The following BRIP1 variants were observed in gnomAD, a reference collection of about 807,000 sequenced individuals.
The protein encoded by BRIP1 is BRCA1 interacting DNA helicase 1, also known as Fanconi anemia group J protein.
Under a neutral mutation model 119.7 loss-of-function variants are expected in BRIP1, and 88 were observed. That is an observed-to-expected ratio of 0.74 (90% CI 0.62 to 0.88). The LOEUF (loss-of-function observed/expected upper bound fraction) is 0.88. Among genes scored for constraint, BRIP1 ranks in the 40% least tolerant of loss-of-function variants. The pLI is 0.00. For synonymous variants in BRIP1, 443 were observed against 496.5 expected, an observed-to-expected ratio of 0.89 and a Z score of 1.43; for missense variants, 1,259 against 1,455.4, an observed-to-expected ratio of 0.87 and a Z score of 2.20.
At chr17:61,766,322 A>T (rs2077373228) in intron 14 of BRIP1, among the ~76,000 whole-genome samples, 1 of 152,196 alleles carries the variant, frequency 6.6e-6, no homozygotes, top group Non-Finnish European at 1.5e-5. Context: ...AATAACCAAG[A>T]GCAGAAGTTC....
rs188098833 is a variant in BRIP1, at chr17:61,835,264, A to G, written c.627+11837T>C. On this transcript the variant is annotated intron_variant, in intron 6 of 19. Transcript: ENST00000259008. ...ACCTGATGTATTTAAATGAACTGAT[A>G]GATTTTACTTTCTAACAGAGAGTTT... Among the ~76,000 whole-genome samples, 129 of 152,354 alleles carry G rather than the reference A, an allele frequency of 8.5e-4. 1 individual carries two copies. Among genetic ancestry groups the G allele is most frequent in the African/African-American group, 3.0e-3 (124 of 41,590 alleles).
At chr17:61,850,232 A>C (rs112094513) in intron 4 of BRIP1, among the ~76,000 whole-genome samples, 9,919 of 151,498 alleles carry the variant, frequency 0.065, 569 homozygotes, top group South Asian at 0.3. Flanking sequence ...CCTCCTGAGT[A>C]GCTGGGATTA....
rs2077893586 is a variant in BRIP1 at position 61,796,018 on chromosome 17, A to C, written c.1341-2289T>G. 6.6e-6 allele frequency among the ~76,000 whole-genome samples: 1 copy of C among 152,018 alleles called. No homozygotes were observed. On this transcript the variant is annotated intron_variant, in intron 9 of 19. Coordinates refer to ENST00000259008, the MANE Select transcript of BRIP1 (RefSeq NM_032043.3). This position sits in a 1 kb window ranked among gnomAD's most constrained non-coding sequence, Gnocchi z 4.8. The stretch of plus-strand genomic sequence containing the variant: ...GAAATGCTGATCAATGATGTTGAGC[A>C]CTTTTCATATGTCTGATTGCCATTT...
rs191084803 is a variant in BRIP1 at position 61,851,099 on chromosome 17, A to C, written c.380-1843T>G. ...AAAAATTAGCTGGGCATGGTGGTGCATGCCTGTAATCCCAGCTACTTGGGA... is the reference window on the plus strand; with the variant it reads ...AAAAATTAGCTGGGCATGGTGGTGCCTGCCTGTAATCCCAGCTACTTGGGA... On this transcript the variant is annotated intron_variant, in intron 4 of 19. Coordinates refer to ENST00000259008, the MANE Select transcript of BRIP1 (RefSeq NM_032043.3). This position sits in a 1 kb window ranked among gnomAD's most constrained non-coding sequence, Gnocchi z 4.6. Among the ~76,000 whole-genome samples, 556 of 151,744 alleles carry C rather than the reference A, an allele frequency of 3.7e-3. 2 individuals are homozygous for C. The highest frequency in any genetic ancestry group is 0.012 in the African/African-American group (504 of 41,354).
rs560461407 is a variant in BRIP1, at chr17:61,807,153, A to G, written c.918+1314T>C. Among the ~76,000 whole-genome samples, 1 of 152,362 alleles carries G rather than the reference A, an allele frequency of 6.6e-6. No homozygotes were observed. Among genetic ancestry groups the G allele is most frequent in the East Asian group, 1.9e-4 (1 of 5,192 alleles). On this transcript the variant is annotated intron_variant, in intron 7 of 19. Coordinates refer to ENST00000259008, the MANE Select transcript of BRIP1 (RefSeq NM_032043.3). This position sits in a 1 kb window ranked among gnomAD's most constrained non-coding sequence, Gnocchi z 4.5. ...GAATTCAGCAGATCACTTAGTCACT[A>G]TGGAAAGCAGTCTACTTATGCATGA...
intron 10 of BRIP1, among the ~76,000 whole-genome samples, chr17:61,792,621 A>G (rs1468754440): frequency 6.6e-6 from 1 of 152,160 alleles, no homozygotes; most frequent in Non-Finnish European, 1.5e-5. Context: ...AGGCAAAACA[A>G]TGGAGTTAGT....
rs786204230 is a variant in BRIP1, at chr17:61,683,808, C to T, written c.3238G>A (p.Asp1080Asn). 1.2e-6 allele frequency: 2 copies of T among 1,614,134 alleles called. No individual in the cohort carries two copies. Among genetic ancestry groups the T allele is most frequent in the Non-Finnish European group, 1.7e-6 (2 of 1,180,030 alleles). The change falls in exon 20 of 20, where the codon GAT (aspartate) becomes AAT (asparagine). Residue 1080 changes from aspartate to asparagine, a missense_variant. Transcript: ENST00000259008. This position sits in a 1 kb window ranked among gnomAD's most constrained non-coding sequence, Gnocchi z 4.7. The part of the protein sequence containing the change: ...SETIISSLKI[D>N]ATLTRKNHSE... The stretch of plus-strand genomic sequence containing the variant: ...TGATTTTTTCTAGTAAGGGTGGCAT[C>T]AATCTTTAATGATGAAATAATGGTT...
rs186289628 is a variant in BRIP1, at chr17:61,794,194, T to C, written c.1341-465A>G. On this transcript the variant is annotated intron_variant, in intron 9 of 19. Transcript: ENST00000259008. The surrounding 1 kb of genome is among the most constrained non-coding windows in gnomAD (Gnocchi z 4.3). ...CATACATTAAGTGTTTGAATGCCTA[T>C]TTTATTCCAGACATTGTTCTGGGTA... 2.6e-5 allele frequency among the ~76,000 whole-genome samples: 4 copies of C among 152,296 alleles called. No homozygotes were observed. In the East Asian group the frequency reaches 7.7e-4, roughly 29 times the overall value.
chr17:61,753,430 A>G lies in BRIP1; in HGVS notation c.2098-8839T>C, dbSNP rs963330337. On this transcript the variant is annotated intron_variant, in intron 14 of 19. Coordinates refer to ENST00000259008, the MANE Select transcript of BRIP1 (RefSeq NM_032043.3). This position sits in a 1 kb window ranked among gnomAD's most constrained non-coding sequence, Gnocchi z 4.6. The stretch of plus-strand genomic sequence containing the variant: ...AAGATATCCAAATGGAAATGTTGAT[A>G]TGGCAGTTGGGTATATGGGCATAGT... Among the ~76,000 whole-genome samples the G allele has an allele frequency of 3.9e-5, 6 of 152,184 alleles. No homozygotes were observed. Among genetic ancestry groups the G allele is most frequent in the Non-Finnish European group, 7.3e-5 (5 of 68,036 alleles).
Position 61,699,253 on chromosome 17 carries a change from C to A in BRIP1, c.2493-5741G>T, listed in dbSNP as rs1240154298. On this transcript the variant is annotated intron_variant, in intron 17 of 19. Coordinates refer to ENST00000259008, the MANE Select transcript of BRIP1 (RefSeq NM_032043.3). The surrounding 1 kb of genome is among the most constrained non-coding windows in gnomAD (Gnocchi z 4.8). ...TTGCCTTTAGATTGGAGTATTTAAT[C>A]CATTTACATTTAATGTAATTACTGA... Among the ~76,000 whole-genome samples, 1 of 152,046 alleles carries A rather than the reference C, an allele frequency of 6.6e-6. No homozygotes were observed. The highest frequency in any genetic ancestry group is 2.4e-5 in the African/African-American group (1 of 41,382).
intron 16 of BRIP1, among the ~76,000 whole-genome samples, chr17:61,731,593 A>AT (rs2076843598): frequency 6.6e-6 from 1 of 152,176 alleles, no homozygotes; most frequent in South Asian, 2.1e-4. Flanking sequence ...TTAGAACCTT[A>AT]ACACATGCTG....
chr17:61,768,217 G>A lies in BRIP1; in HGVS notation c.2097+8184C>T, dbSNP rs2077398966. ...ATGGATTAAGTAAATAAAAATAAAT[G>A]TGAAGTAAAGTTATGAGATTTCTCA... On this transcript the variant is annotated intron_variant, in intron 14 of 19. Transcript: ENST00000259008. This position sits in a 1 kb window ranked among gnomAD's most constrained non-coding sequence, Gnocchi z 5.0. Among the ~76,000 whole-genome samples the A allele has an allele frequency of 6.6e-6, 1 of 152,124 alleles. No individual in the cohort carries two copies. Among genetic ancestry groups the A allele is most frequent in the African/African-American group, 2.4e-5 (1 of 41,446 alleles).
At position 61,834,793 on chromosome 17, in the gene BRIP1, CA is replaced by C. The variant is rs1250363325; in HGVS notation, c.627+12307del. On this transcript the variant is annotated intron_variant, in intron 6 of 19. Transcript: ENST00000259008. This position sits in a 1 kb window ranked among gnomAD's most constrained non-coding sequence, Gnocchi z 4.4. The stretch of plus-strand genomic sequence containing the variant: ...CCACCTCATGGTCCCAGCTGACTAC[CA>C]ATCAACTCCCTGAAGCAGGGCTGCC... Among the ~76,000 whole-genome samples the C allele has an allele frequency of 3.3e-5, 5 of 152,100 alleles. No homozygotes were observed. The highest frequency in any genetic ancestry group is 7.2e-5 in the African/African-American group (3 of 41,402).
chr17:61,777,665 A>G (rs1220315271), intron 13 of BRIP1, among the ~76,000 whole-genome samples: 1 of 152,096 alleles, frequency 6.6e-6, no homozygotes, highest in Non-Finnish European at 1.5e-5. Flanking sequence ...GGATACAGAT[A>G]AAGAGATGTA....
intron 14 of BRIP1, among the ~76,000 whole-genome samples, chr17:61,771,697 C>T (rs952034543): frequency 5.2e-4 from 79 of 152,286 alleles, no homozygotes; most frequent in African/African-American, 1.6e-3. Flanking sequence ...TGGTGGTTCA[C>T]GCCTGTGATC....
Position 61,690,259 on chromosome 17 carries a change from G to A in BRIP1, c.2575+3171C>T, listed in dbSNP as rs1182987305. Among the ~76,000 whole-genome samples, 1 of 152,156 alleles carries A rather than the reference G, an allele frequency of 6.6e-6. No homozygotes were observed. The highest frequency in any genetic ancestry group is 6.6e-5 in the Admixed American group (1 of 15,250). On this transcript the variant is annotated intron_variant, in intron 18 of 19. Transcript: ENST00000259008. The surrounding 1 kb of genome is among the most constrained non-coding windows in gnomAD (Gnocchi z 5.6). ...ACACAAAAGCATAAAGTTTGCTCGT[G>A]AAGTTAAAAGTGTACACAAATACAG...
At position 61,844,555 on chromosome 17, in the gene BRIP1, G is replaced by A. The variant is rs746839139; in HGVS notation, c.627+2546C>T. ...CAGTGGGCTATGATCACACCACTGC[G>A]TTACAACATGGGCAACACATTGAGA... On this transcript the variant is annotated intron_variant, in intron 6 of 19. Transcript: ENST00000259008. This position sits in a 1 kb window ranked among gnomAD's most constrained non-coding sequence, Gnocchi z 4.7. 2.6e-5 allele frequency among the ~76,000 whole-genome samples: 4 copies of A among 152,092 alleles called. No homozygotes were observed. Among genetic ancestry groups the A allele is most frequent in the Non-Finnish European group, 4.4e-5 (3 of 68,016 alleles).
In BRIP1 at chr17:61,861,458, T is replaced by C. The variant is rs1330147176; in HGVS notation, c.82A>G (p.Met28Val). The C allele has an allele frequency of 2.5e-6, 4 of 1,608,892 alleles. No individual in the cohort carries two copies. Among genetic ancestry groups the C allele is most frequent in the Admixed American group, 1.7e-5 (1 of 60,016 alleles). ...TGAAAAATACTTACAGAATTCATCA[T>C]AGCAAGCTGTGACGGGTAAGCTTTA... ...PYKAYPSQLA[M>V]MNSILRGLNS... The change falls in exon 2 of 20, where the codon ATG (methionine) becomes GTG (valine). Residue 28 changes from methionine (M) to valine (V), a missense_variant. Coordinates refer to ENST00000259008, the MANE Select transcript of BRIP1 (RefSeq NM_032043.3). This position sits in a 1 kb window ranked among gnomAD's most constrained non-coding sequence, Gnocchi z 4.5.
At position 61,798,564 on chromosome 17, in the gene BRIP1, G is replaced by C. The variant is rs1978244; in HGVS notation, c.1340+536C>G. Among the ~76,000 whole-genome samples, 1 of 151,822 alleles carries C rather than the reference G, an allele frequency of 6.6e-6. No homozygotes were observed. Among genetic ancestry groups the C allele is most frequent in the Non-Finnish European group, 1.5e-5 (1 of 67,870 alleles). On this transcript the variant is annotated intron_variant, in intron 9 of 19. Coordinates refer to ENST00000259008, the MANE Select transcript of BRIP1 (RefSeq NM_032043.3). This position sits in a 1 kb window ranked among gnomAD's most constrained non-coding sequence, Gnocchi z 5.5. ...AGAAAAATGCTACAATAAATGAAAT[G>C]GGATTCAGAGTTGGGAAGTTTTTTT... is the stretch of plus-strand genomic sequence containing the variant.
Sources: allele counts gnomAD v4.1 joint callset (sites outside exome capture counted in the v4.1 genomes callset), GRCh38; gene constraint gnomAD v4.1.1; non-coding constraint Gnocchi (gnomAD v3.1); transcripts MANE v1.5; gene names NCBI Gene and HGNC (gene_info 2026-07-23, HGNC 2026-07-21).